Variants in ROBO2 observed in about 807,000 individuals in gnomAD.
ROBO2 encodes the protein roundabout guidance receptor 2, also known as roundabout homolog 2.
ROBO2 carries 53 observed loss-of-function variants against 160.8 expected under a neutral mutation model. The observed-to-expected ratio is 0.33, with a 90% CI of 0.26 to 0.41. The LOEUF (loss-of-function observed/expected upper bound fraction) is 0.41, where lower values mean the gene tolerates loss of function less well. Ranked by LOEUF, ROBO2 falls within the 10% of genes least tolerant of loss-of-function variation. The pLI, the probability that ROBO2 is intolerant of heterozygous loss-of-function variation, is 1.00. For synonymous variants in ROBO2, 664 were observed against 611.7 expected (o/e 1.09, Z -1.26); for missense variants, 1,577 against 1,722.4 (o/e 0.92, Z 1.49).
intron 2 of ROBO2, among the ~76,000 whole-genome samples, chr3:76,531,852 G>A (rs950661714): frequency 4.6e-5 from 7 of 151,974 alleles, no homozygotes; most frequent in Admixed American, 6.6e-5. Context: ...TATGCAGAAC[G>A]TTTTACTGTC....
chr3:75,910,556 CCT>C (rs1946531241), intron 1 of ROBO2, among the ~76,000 whole-genome samples: 1 of 152,052 alleles, frequency 6.6e-6, no homozygotes, highest in Non-Finnish European at 1.5e-5. Context: ...AGATTCATCC[CCT>C]GTCCCCCTTT....
At chr3:77,177,727 G>A (rs2080292574) in intron 2 of ROBO2, among the ~76,000 whole-genome samples, 1 of 151,918 alleles carries the variant, frequency 6.6e-6, no homozygotes, top group Non-Finnish European at 1.5e-5. Context: ...AAATATATAA[G>A]TAGAAAATTA....
At chr3:77,243,117 T>G (rs1198509939) in intron 2 of ROBO2, among the ~76,000 whole-genome samples, 1 of 151,976 alleles carries the variant, frequency 6.6e-6, no homozygotes, top group African/African-American at 2.4e-5. Flanking sequence ...ACTGAAGGAA[T>G]TTTAGTTATA....
intron 2 of ROBO2, among the ~76,000 whole-genome samples, chr3:76,997,837 G>A (rs772649558): frequency 6.6e-6 from 1 of 152,144 alleles, no homozygotes; most frequent in South Asian, 2.1e-4. Flanking sequence ...GCTTGCTGTT[G>A]TATTGCAGCA....
chr3:77,199,903 C>T (rs1236844257), intron 2 of ROBO2, among the ~76,000 whole-genome samples: 2 of 151,760 alleles, frequency 1.3e-5, no homozygotes, highest in Non-Finnish European at 2.9e-5. Flanking sequence ...GTTGGGATTA[C>T]AGGCATGAGC....
intron 2 of ROBO2, among the ~76,000 whole-genome samples, chr3:76,064,109 C>T (rs2068160397): frequency 6.6e-6 from 1 of 152,118 alleles, no homozygotes. Context: ...AAAAAGACCT[C>T]CAAGTTTCAC....
chr3:75,949,962 G>A (rs1423804708), intron 2 of ROBO2, among the ~76,000 whole-genome samples: 2 of 152,006 alleles, frequency 1.3e-5, no homozygotes, highest in Admixed American at 1.3e-4. Flanking sequence ...ATTTAAGACT[G>A]AAAGTACATT....
At chr3:76,981,910 C>T (rs1322878238) in intron 2 of ROBO2, among the ~76,000 whole-genome samples, 2 of 152,088 alleles carry the variant, frequency 1.3e-5, no homozygotes, top group East Asian at 3.9e-4. Flanking sequence ...AGAACAAACT[C>T]ACTATCTTAC....
chr3:76,286,795 A>G (rs774081937), intron 2 of ROBO2, among the ~76,000 whole-genome samples: 1 of 152,132 alleles, frequency 6.6e-6, no homozygotes, highest in Non-Finnish European at 1.5e-5. Context: ...TGCATACATG[A>G]TTGCTCATTA....
chr3:76,327,410 T>C (rs1483802607), intron 2 of ROBO2, among the ~76,000 whole-genome samples: 1 of 152,200 alleles, frequency 6.6e-6, no homozygotes, highest in Non-Finnish European at 1.5e-5. Context: ...TTTGTTATAA[T>C]TTCAAATATG....
intron 2 of ROBO2, among the ~76,000 whole-genome samples, chr3:77,259,574 A>T (rs2058648517): frequency 6.6e-6 from 1 of 152,228 alleles, no homozygotes; most frequent in Admixed American, 6.5e-5. Context: ...AGAACTTAGT[A>T]TTTGGAAGTA....
At chr3:76,865,966 G>A (rs1167261218) in intron 2 of ROBO2, among the ~76,000 whole-genome samples, 3 of 152,004 alleles carry the variant, frequency 2.0e-5, no homozygotes, top group African/African-American at 7.2e-5. Context: ...ACTTATGCAG[G>A]AGTTTAAGTA....
At chr3:77,399,945 G>GCA (rs1466938232) in intron 2 of ROBO2, among the ~76,000 whole-genome samples, 1 of 152,244 alleles carries the variant, frequency 6.6e-6, no homozygotes, top group East Asian at 1.9e-4. Flanking sequence ...GTTGAAATCT[G>GCA]CAGTGCGTTG....
chr3:76,022,972 C>G (rs186785481), intron 2 of ROBO2, among the ~76,000 whole-genome samples: 2 of 151,908 alleles, frequency 1.3e-5, no homozygotes, highest in African/African-American at 4.8e-5. Context: ...ATTATCTTAG[C>G]TAGATTTACT....
At chr3:76,702,218 G>A (rs2093060345) in intron 2 of ROBO2, among the ~76,000 whole-genome samples, 1 of 151,894 alleles carries the variant, frequency 6.6e-6, no homozygotes, top group Non-Finnish European at 1.5e-5. Flanking sequence ...AATTGTTTTA[G>A]AGGGTTAATA....
intron 2 of ROBO2, among the ~76,000 whole-genome samples, chr3:76,121,610 A>C (rs1379996460): frequency 2.0e-5 from 3 of 152,158 alleles, no homozygotes; most frequent in African/African-American, 7.2e-5. Context: ...TACTGAAACA[A>C]TTCTTTTATT....
rs796964188 is a variant in ROBO2, at chr3:76,632,890, A to C, written c.110-465124A>C. 2.6e-5 allele frequency among the ~76,000 whole-genome samples: 4 copies of C among 152,312 alleles called. No homozygotes were observed. In the South Asian group the frequency reaches 8.3e-4, roughly 32 times the overall value. On this transcript the variant is annotated intron_variant, in intron 2 of 26. Coordinates refer to the ROBO2 transcript ENST00000487694. ...TCCATTGCTGTCACGATAACAATAC[A>C]ATGAAAAATGTGTTAATCAAATATC...
At chr3:77,361,984 A>G (rs1354130909) in intron 2 of ROBO2, among the ~76,000 whole-genome samples, 1 of 152,160 alleles carries the variant, frequency 6.6e-6, no homozygotes, top group East Asian at 1.9e-4. Flanking sequence ...TGCCTTAATG[A>G]TATTTATAAC....
chr3:76,742,463 C>T (rs1409066115), intron 2 of ROBO2, among the ~76,000 whole-genome samples: 3 of 152,054 alleles, frequency 2.0e-5, no homozygotes, highest in Non-Finnish European at 4.4e-5. Flanking sequence ...AAAAACAGCA[C>T]TGAAAGGAAG....
Sources: allele counts gnomAD v4.1 joint callset (sites outside exome capture counted in the v4.1 genomes callset), GRCh38; gene constraint gnomAD v4.1.1; transcripts MANE v1.5; gene names NCBI Gene and HGNC (gene_info 2026-07-23, HGNC 2026-07-21).